Variants in TENM3 observed in about 807,000 individuals in gnomAD.
The protein encoded by TENM3 is teneurin-3.
A neutral mutation model predicts 255.1 loss-of-function variants in TENM3; 63 were observed. The ratio of observed to expected loss-of-function variants is 0.25; its 90% CI spans 0.20 to 0.30. TENM3 has a LOEUF of 0.30. TENM3 is among the 10% of genes least tolerant of loss of function. The probability of loss-of-function intolerance (pLI) is 1.00; values close to 1 mark genes in which losing one functional copy is unlikely to be tolerated. For missense variants in TENM3, 2,929 were observed against 3,461.1 expected, an observed-to-expected ratio of 0.85 and a Z score of 3.86; for synonymous variants, 1,306 against 1,322.3, an observed-to-expected ratio of 0.99 and a Z score of 0.27.
chr4:181,998,841 G>A, the TENM3 span, among the ~76,000 whole-genome samples: 1 of 152,082 alleles, frequency 6.6e-6, no homozygotes, highest in South Asian at 2.1e-4. Context: ...TGGAATATAG[G>A]CATTTTATCA....
intron 3 of TENM3, among the ~76,000 whole-genome samples, chr4:182,479,240 T>C (rs1354074457): frequency 6.6e-6 from 1 of 151,948 alleles, no homozygotes; most frequent in African/African-American, 2.4e-5. Flanking sequence ...GATAGAAATG[T>C]TAAAATTTTC....
the TENM3 span, among the ~76,000 whole-genome samples, chr4:181,821,289 G>T: frequency 6.6e-6 from 1 of 152,054 alleles, no homozygotes; most frequent in Non-Finnish European, 1.5e-5. Context: ...CTGAAGTGCC[G>T]CTTGCTCCAA....
chr4:181,820,902 G>A, the TENM3 span, among the ~76,000 whole-genome samples: 4 of 152,008 alleles, frequency 2.6e-5, no homozygotes, highest in African/African-American at 9.7e-5. Flanking sequence ...GACCTCCTTC[G>A]ACACAATCTA....
chr4:181,542,980 C>T, the TENM3 span, among the ~76,000 whole-genome samples: 1 of 152,154 alleles, frequency 6.6e-6, no homozygotes, highest in African/African-American at 2.4e-5. Flanking sequence ...TTGCTTGGTC[C>T]ATCTCTTTCT....
At chr4:182,308,249 C>T (rs1427711007) in intron 1 of TENM3, among the ~76,000 whole-genome samples, 1 of 152,160 alleles carries the variant, frequency 6.6e-6, no homozygotes, top group South Asian at 2.1e-4. Context: ...GCAGATGACC[C>T]GATGCCTGGG....
the TENM3 span, among the ~76,000 whole-genome samples, chr4:181,641,525 G>T: frequency 8.9e-6 from 1 of 112,808 alleles, no homozygotes; most frequent in African/African-American, 3.6e-5. Flanking sequence ...ATCCTTTTTT[G>T]TGGCTGCATA....
chr4:182,228,127 A>G (rs1487602492), intron 1 of TENM3, among the ~76,000 whole-genome samples: 1 of 152,056 alleles, frequency 6.6e-6, no homozygotes, highest in Non-Finnish European at 1.5e-5. Context: ...AAAGTAGCAC[A>G]TATATAGGAT....
the TENM3 span, among the ~76,000 whole-genome samples, chr4:181,658,185 G>T: frequency 1.3e-5 from 2 of 152,050 alleles, no homozygotes; most frequent in Non-Finnish European, 2.9e-5. Flanking sequence ...TACATGAGAA[G>T]GTCACTAGAA....
chr4:181,638,742 A>G, the TENM3 span, among the ~76,000 whole-genome samples: 1 of 152,198 alleles, frequency 6.6e-6, no homozygotes, highest in Admixed American at 6.5e-5. Context: ...TTAAAATGTT[A>G]CTTTCCTTAA....
the TENM3 span, among the ~76,000 whole-genome samples, chr4:181,656,087 A>G: frequency 6.6e-6 from 1 of 152,176 alleles, no homozygotes; most frequent in African/African-American, 2.4e-5. Context: ...GAAAGATGCA[A>G]GAAGGAGACC....
intron 12 of TENM3, among the ~76,000 whole-genome samples, chr4:182,693,668 A>T (rs1030359083): frequency 2.0e-5 from 3 of 152,158 alleles, no homozygotes; most frequent in Non-Finnish European, 4.4e-5. Context: ...AATAGTACAT[A>T]TATGAGATTT....
At chr4:182,359,311 C>T (rs1001000699) in intron 3 of TENM3, among the ~76,000 whole-genome samples, 18 of 152,080 alleles carry the variant, frequency 1.2e-4, no homozygotes, top group Non-Finnish European at 4.4e-5. Flanking sequence ...TTCCTCCTTG[C>T]ACCTCTGGGA....
At chr4:182,000,128 C>T in the TENM3 span, among the ~76,000 whole-genome samples, 1 of 151,990 alleles carries the variant, frequency 6.6e-6, no homozygotes, top group Non-Finnish European at 1.5e-5. Flanking sequence ...GTTTCTTTTT[C>T]ACTGTAGTCA....
chr4:181,600,824 G>A, the TENM3 span, among the ~76,000 whole-genome samples: 2 of 150,548 alleles, frequency 1.3e-5, no homozygotes, highest in African/African-American at 2.4e-5. Flanking sequence ...TCAAGAAAAT[G>A]TCTTATAGTA....
the TENM3 span, among the ~76,000 whole-genome samples, chr4:181,472,467 A>C: frequency 6.7e-6 from 1 of 148,292 alleles, no homozygotes; most frequent in Non-Finnish European, 1.5e-5. Context: ...GGGCCCCCCA[A>C]AAGGCCCCCT....
chr4:181,940,857 T>G, the TENM3 span, among the ~76,000 whole-genome samples: 2 of 152,166 alleles, frequency 1.3e-5, no homozygotes, highest in African/African-American at 4.8e-5. Context: ...TATTACAGTC[T>G]CCCAGGCAAC....
chr4:182,180,036 G>A (rs1752747726), intron 1 of TENM3, among the ~76,000 whole-genome samples: 2 of 151,702 alleles, frequency 1.3e-5, no homozygotes, highest in South Asian at 4.2e-4. Context: ...ACTTACTTAA[G>A]TATTTGTGGG....
chr4:181,659,496 G>A, the TENM3 span, among the ~76,000 whole-genome samples: 4 of 152,168 alleles, frequency 2.6e-5, no homozygotes, highest in African/African-American at 9.7e-5. Context: ...AGTGAGTGAA[G>A]AAACAAATAT....
chr4:182,722,822 A>T (rs1336563162), intron 13 of TENM3, among the ~76,000 whole-genome samples: 2 of 152,192 alleles, frequency 1.3e-5, no homozygotes, highest in African/African-American at 4.8e-5. Flanking sequence ...GGCCTGATGG[A>T]TAGTTTCAGG....
Sources: allele counts gnomAD v4.1 joint callset (sites outside exome capture counted in the v4.1 genomes callset), GRCh38; gene constraint gnomAD v4.1.1; transcripts MANE v1.5; gene names NCBI Gene and HGNC (gene_info 2026-07-23, HGNC 2026-07-21).